The following UPP2 variants were observed in gnomAD, a reference collection of about 807,000 sequenced individuals.
The protein encoded by UPP2 is uridine phosphorylase 2.
Under a neutral mutation model 26.7 loss-of-function variants are expected in UPP2, and 23 were observed. That is an observed-to-expected ratio of 0.86 (90% CI 0.62 to 1.22). The LOEUF (loss-of-function observed/expected upper bound fraction) is 1.22, where lower values mean the gene tolerates loss of function less well. Among genes scored for constraint, UPP2 ranks in the 50% most tolerant of loss-of-function variants. The pLI is 0.00. For synonymous variants in UPP2, 127 were observed against 141.3 expected, an observed-to-expected ratio of 0.90 and a Z score of 0.72; for missense variants, 387 against 396.7, an observed-to-expected ratio of 0.98 and a Z score of 0.21.
At chr2:158,108,624 C>T (rs1188584490) in intron 2 of UPP2, among the ~76,000 whole-genome samples, 1 of 151,838 alleles carries the variant, frequency 6.6e-6, no homozygotes, top group Non-Finnish European at 1.5e-5. Flanking sequence ...CACACATACG[C>T]ACACACACAT....
At chr2:158,083,140 C>T (rs925931567) in intron 3 of UPP2, among the ~76,000 whole-genome samples, 1 of 152,142 alleles carries the variant, frequency 6.6e-6, no homozygotes, top group South Asian at 2.1e-4. Flanking sequence ...TTGTGGAAGA[C>T]AGTGTGGCGA....
chr2:158,048,057 C>T (rs1240119555), intron 3 of UPP2, among the ~76,000 whole-genome samples: 1 of 152,090 alleles, frequency 6.6e-6, no homozygotes, highest in African/African-American at 2.4e-5. Context: ...AGATGTTCAA[C>T]CAGAGAAGGA....
At chr2:158,028,642 T>C (rs916094034) in intron 3 of UPP2, among the ~76,000 whole-genome samples, 4 of 152,198 alleles carry the variant, frequency 2.6e-5, no homozygotes, top group African/African-American at 9.6e-5. Flanking sequence ...ACCCCATTTC[T>C]GGTACCAACT....
chr2:158,030,285 C>T (rs11684639), intron 3 of UPP2, among the ~76,000 whole-genome samples: 10,080 of 152,228 alleles, frequency 0.066, 431 homozygotes, highest in Non-Finnish European at 0.098. Context: ...TTAGGTAGTA[C>T]ATGATTTTTA....
chr2:158,123,683 C>G, intron 5 of UPP2, 66 bp from the exon 6 acceptor site: 1 of 1,567,752 alleles, frequency 6.4e-7, no homozygotes, highest in Non-Finnish European at 8.6e-7. Context: ...AACAGCAAGC[C>G]TCCTATGAGG....
intron 3 of UPP2, among the ~76,000 whole-genome samples, chr2:158,066,630 CTT>C (rs3046317): frequency 0.011 from 1,678 of 146,106 alleles, 30 homozygotes; most frequent in Middle Eastern, 0.039. Context: ...ACCATTGATT[CTT>C]TTTTTTTTTT....
In UPP2 at chr2:158,039,723, T is replaced by C. The variant is rs529944073; in HGVS notation, c.147+23837T>C. On this transcript the variant is annotated intron_variant, in intron 3 of 9. Transcript: ENST00000605860. Reference sequence around the variant, plus strand: ...GTCTTAGACCCCACTCCAAATCTGTTAATCAGAATCTGCATTTTAACCCAG... The same window carrying C: ...GTCTTAGACCCCACTCCAAATCTGTCAATCAGAATCTGCATTTTAACCCAG... Among the ~76,000 whole-genome samples the C allele has an allele frequency of 1.8e-4, 27 of 152,340 alleles. No homozygotes were observed. The South Asian group carries it at 2.9e-3, about 16-fold the overall frequency.
chr2:158,036,949 C>G (rs991985006), intron 3 of UPP2, among the ~76,000 whole-genome samples: 2 of 152,178 alleles, frequency 1.3e-5, no homozygotes, highest in Admixed American at 6.5e-5. Context: ...CAACAAAACA[C>G]TGGCTCAGTA....
chr2:158,127,121 A>T (rs35155903), intron 6 of UPP2, among the ~76,000 whole-genome samples: 4,744 of 152,264 alleles, frequency 0.031, 128 homozygotes, highest in East Asian at 0.14. Flanking sequence ...GTCCACGTGG[A>T]TTACCACTTA....
At chr2:158,036,707 G>A (rs971086255) in intron 3 of UPP2, among the ~76,000 whole-genome samples, 1 of 152,222 alleles carries the variant, frequency 6.6e-6, no homozygotes, top group African/African-American at 2.4e-5. Context: ...GGAAAGGCAG[G>A]TGAAGATAAG....
At chr2:158,115,364 A>T (rs918211308) in intron 3 of UPP2, 105 bp downstream of exon 3, 1 of 1,364,704 alleles carries the variant, frequency 7.3e-7, no homozygotes, top group Non-Finnish European at 9.7e-7. Flanking sequence ...GCATTCTTAC[A>T]CAATCAAACA....
intron 3 of UPP2, among the ~76,000 whole-genome samples, chr2:158,064,536 T>C (rs1021454682): frequency 5.9e-5 from 9 of 152,146 alleles, no homozygotes; most frequent in African/African-American, 2.2e-4. Context: ...ATTCTGTGGG[T>C]TGCCTGTTTA....
Position 158,121,548 on chromosome 2 carries a change from C to T in UPP2, c.594C>T (p.Asn198=). The part of the protein sequence containing the change: ...LDKELSEELF[N]CSKEIPNFPT... Reference sequence around the variant, plus strand: ...AAGAACTGTCTGAAGAACTGTTCAACTGTAGCAAAGAAATCCCCAACTTCC... The same window carrying T: ...AAGAACTGTCTGAAGAACTGTTCAATTGTAGCAAAGAAATCCCCAACTTCC... The change falls in exon 5 of 7, where the codon AAC becomes AAT. Residue 198 remains asparagine, a synonymous_variant. Coordinates refer to ENST00000005756, the MANE Select transcript of UPP2 (RefSeq NM_173355.4). 1 of 1,613,536 alleles carries T rather than the reference C, an allele frequency of 6.2e-7. No homozygotes were observed. Among genetic ancestry groups the T allele is most frequent in the Non-Finnish European group, 8.5e-7 (1 of 1,179,514 alleles).
chr2:158,059,590 A>T (rs754212962), intron 3 of UPP2, among the ~76,000 whole-genome samples: 2 of 152,320 alleles, frequency 1.3e-5, no homozygotes, highest in Non-Finnish European at 2.9e-5. Flanking sequence ...TAATGACTTG[A>T]CTTTGGTCAT....
intron 3 of UPP2, among the ~76,000 whole-genome samples, chr2:158,047,128 TCATGTTG>T (rs1432304888): frequency 6.6e-6 from 1 of 152,228 alleles, no homozygotes; most frequent in Non-Finnish European, 1.5e-5. Context: ...AATGTGTATC[TCATGTTG>T]CATTTGTTCT....
At chr2:157,997,569 CATATATTTTGATT>C (rs1209516437) in intron 2 of UPP2, among the ~76,000 whole-genome samples, 1 of 152,166 alleles carries the variant, frequency 6.6e-6, no homozygotes, top group Non-Finnish European at 1.5e-5. Flanking sequence ...TTCCCAGACA[CATATATTTTGATT>C]ATGGGGAAGA....
intron 3 of UPP2, among the ~76,000 whole-genome samples, chr2:158,068,393 T>A (rs1390566477): frequency 6.6e-6 from 1 of 152,176 alleles, no homozygotes; most frequent in African/African-American, 2.4e-5. Context: ...CTCAGAGAAT[T>A]ACCTGAACAT....
intron 3 of UPP2, among the ~76,000 whole-genome samples, chr2:158,066,629 TC>T (rs1040001161): frequency 4.6e-4 from 38 of 82,842 alleles, no homozygotes; most frequent in African/African-American, 1.9e-3. Context: ...AACCATTGAT[TC>T]TTTTTTTTTT....
intron 2 of UPP2, among the ~76,000 whole-genome samples, chr2:158,015,466 T>A (rs2105144171): frequency 6.6e-6 from 1 of 152,310 alleles, no homozygotes; most frequent in Non-Finnish European, 1.5e-5. Context: ...TATGCCACAT[T>A]TTGTTTATCT....
Sources: gnomAD v4.1 joint callset for allele counts (sites outside exome capture counted in the v4.1 genomes callset) on GRCh38, gnomAD v4.1.1 for gene constraint, MANE v1.5 for transcripts, NCBI Gene and HGNC (gene_info 2026-07-23, HGNC 2026-07-21) for gene names.